ZNF721: variants seen among roughly 807,000 people sequenced by gnomAD.
ZNF721 encodes zinc finger protein 721.
Under a neutral mutation model 2.4 loss-of-function variants are expected in ZNF721, and 2 were observed. That is an observed-to-expected ratio of 0.82 (90% confidence interval 0.34 to 2.58). ZNF721 has a LOEUF of 2.58. Among genes scored for constraint, ZNF721 ranks in the 30% most tolerant of loss-of-function variants. The pLI is 0.11. For missense variants in ZNF721, 1,187 were observed against 1,085.5 expected, an observed-to-expected ratio of 1.09 and a Z score of -1.31; for synonymous variants, 398 against 381.8, an observed-to-expected ratio of 1.04 and a Z score of -0.50.
chr4:461,704 C>A (rs973397716), intron 2 of ZNF721, among the ~76,000 whole-genome samples: 1 of 152,136 alleles, frequency 6.6e-6, no homozygotes, highest in East Asian at 1.9e-4. Context: ...GAAACCCTGT[C>A]TCTACCAAAA....
At chr4:466,869 ACAAAAGC>A (rs1228401287) in intron 2 of ZNF721, among the ~76,000 whole-genome samples, 1 of 152,196 alleles carries the variant, frequency 6.6e-6, no homozygotes, top group African/African-American at 2.4e-5. Flanking sequence ...CATATTACTT[ACAAAAGC>A]CAAAAAGTGA....
intron 2 of ZNF721, among the ~76,000 whole-genome samples, chr4:465,516 C>T (rs1715218206): frequency 6.6e-6 from 1 of 151,572 alleles, no homozygotes; most frequent in African/African-American, 2.4e-5. Flanking sequence ...ACTGCAAGCT[C>T]CGCGCCCTGG....
At chr4:463,677 G>A (rs1341947579) in intron 2 of ZNF721, among the ~76,000 whole-genome samples, 2 of 152,116 alleles carry the variant, frequency 1.3e-5, no homozygotes, top group African/African-American at 4.8e-5. Flanking sequence ...AACATCGCAT[G>A]TTCTCACTCC....
At chr4:457,526 T>A (rs115764129) in intron 2 of ZNF721, among the ~76,000 whole-genome samples, 2,213 of 152,316 alleles carry the variant, frequency 0.015, 55 homozygotes, top group African/African-American at 0.049. Context: ...TGAAGACACC[T>A]AAACCAAGAC....
intron 2 of ZNF721, chr4:453,351 G>A (rs1448639203): frequency 1.3e-5 from 2 of 152,184 alleles, no homozygotes; most frequent in East Asian, 3.8e-4. Flanking sequence ...GGAATAAAGA[G>A]GTTTGGGGAA....
chr4:478,972 G>C (rs528003865), intron 1 of ZNF721, among the ~76,000 whole-genome samples: 2 of 152,124 alleles, frequency 1.3e-5, no homozygotes, highest in East Asian at 3.9e-4. Flanking sequence ...GGGTTTCACC[G>C]TGTTGGCCAG....
chr4:459,449 T>A (rs1361389048), intron 2 of ZNF721, among the ~76,000 whole-genome samples: 3 of 151,648 alleles, frequency 2.0e-5, no homozygotes, highest in Non-Finnish European at 4.4e-5. Context: ...GAGGGAGGAA[T>A]ATTTACCAAG....
Position 441,642 on chromosome 4 carries a change from T to C in ZNF721, c.*53A>G, listed in dbSNP as rs551020814. On this transcript the variant is annotated 3_prime_UTR_variant, in exon 3 of 3. Transcript: ENST00000511833. Reference sequence around the variant, plus strand: ...TCGTAAGACATTCCCCTGGTATGAGTTCTCTTATGTTTAAGAATGCTGTAG... The same window carrying C: ...TCGTAAGACATTCCCCTGGTATGAGCTCTCTTATGTTTAAGAATGCTGTAG... 2.8e-6 allele frequency: 4 copies of C among 1,439,250 alleles called. No homozygotes were observed. The highest frequency in any genetic ancestry group is 3.8e-6 in the Non-Finnish European group (4 of 1,066,288). 89.2% of individuals were successfully genotyped at this position (1,439,250 alleles called of 1,614,324 possible).
chr4:448,272 TA>T (rs1342651806), intron 2 of ZNF721, among the ~76,000 whole-genome samples: 49 of 152,072 alleles, frequency 3.2e-4, no homozygotes, highest in Admixed American at 5.9e-4. Context: ...CCGTCTCTAC[TA>T]AAAATACAAA....
chr4:478,358 T>C (rs1423852542), intron 1 of ZNF721, among the ~76,000 whole-genome samples: 1 of 152,202 alleles, frequency 6.6e-6, no homozygotes, highest in Non-Finnish European at 1.5e-5. Flanking sequence ...TTTTTGCATA[T>C]TTCTCTTTAC....
At chr4:492,285 A>G (rs567623783) in intron 1 of ZNF721, among the ~76,000 whole-genome samples, 1 of 152,344 alleles carries the variant, frequency 6.6e-6, no homozygotes, top group African/African-American at 2.4e-5. Flanking sequence ...CTGTCAGGCC[A>G]GTTACCAAAA....
chr4:466,406 G>C (rs974392166), intron 2 of ZNF721, among the ~76,000 whole-genome samples: 9 of 152,156 alleles, frequency 5.9e-5, no homozygotes, highest in African/African-American at 1.9e-4. Context: ...TTATGCTTGA[G>C]TTGTTATGTG....
At chr4:481,470 C>T (rs530803774) in intron 1 of ZNF721, among the ~76,000 whole-genome samples, 1 of 152,214 alleles carries the variant, frequency 6.6e-6, no homozygotes, top group South Asian at 2.1e-4. Context: ...ATTTGCATAG[C>T]TTCCTTTGGG....
chr4:440,729 G>C lies in ZNF721; in HGVS notation c.*966C>G, dbSNP rs1009385587. The C allele has an allele frequency of 6.6e-6, 1 of 152,200 alleles. No individual in the cohort carries two copies. Among genetic ancestry groups the C allele is most frequent in the Admixed American group, 6.5e-5 (1 of 15,278 alleles). The allele number at this position is 152,200 out of a possible 1,614,324, so 9.4% of individuals were successfully genotyped here. Reference sequence around the variant, plus strand: ...TACCCAGGCTGGAGTGCAATGGCACGATCTCAGCTCACCGCAACCTCCACC... The same window carrying C: ...TACCCAGGCTGGAGTGCAATGGCACCATCTCAGCTCACCGCAACCTCCACC... On this transcript the variant is annotated 3_prime_UTR_variant, in exon 3 of 3. Transcript: ENST00000511833.
At position 453,599 on chromosome 4, in the gene ZNF721, T is replaced by C. The variant is rs1714743426; in HGVS notation, c.35-9167A>G. 2.0e-5 allele frequency: 3 copies of C among 152,220 alleles called. No individual in the cohort carries two copies. The South Asian group carries it at 6.2e-4, about 31-fold the overall frequency. 9.4% of individuals were successfully genotyped at this position (152,220 alleles called of 1,614,324 possible). ...CCTATCTACTAATGGTCAGCACATG[T>C]GTCTTTGTATCTGAGGCCAAGGATA... is the stretch of plus-strand genomic sequence containing the variant. On this transcript the variant is annotated intron_variant, in intron 2 of 2. Coordinates refer to ENST00000511833, the MANE Select transcript of ZNF721 (RefSeq NM_133474.4).
chr4:440,689 G>C lies in ZNF721; in HGVS notation c.*1006C>G, dbSNP rs1197514146. 1.3e-5 allele frequency: 2 copies of C among 152,162 alleles called. No homozygotes were observed. The highest frequency in any genetic ancestry group is 2.9e-5 in the Non-Finnish European group (2 of 68,042). The allele number at this position is 152,162 out of a possible 1,614,324, so 9.4% of individuals were successfully genotyped here. A position where few individuals can be genotyped will look rare whatever the true frequency, so the allele number is the denominator to read the frequency against. On this transcript the variant is annotated 3_prime_UTR_variant, in exon 3 of 3. Coordinates refer to ENST00000511833, the MANE Select transcript of ZNF721 (RefSeq NM_133474.4). Reference sequence around the variant, plus strand: ...TTTCTTTTTATCTTGTTTTGAGACAGAGTTTCACTCTTGTTACCCAGGCTG... The same window carrying C: ...TTTCTTTTTATCTTGTTTTGAGACACAGTTTCACTCTTGTTACCCAGGCTG...
rs782142616 is a variant in ZNF721, at chr4:443,009, TGAG to T, written c.1455_1457del (p.Ser487del). 2.4e-4 allele frequency: 384 copies of T among 1,613,728 alleles called. No individual in the cohort carries two copies. Among genetic ancestry groups the T allele is most frequent in the Non-Finnish European group, 3.0e-4 (355 of 1,179,770 alleles). On this transcript the variant is annotated inframe_deletion, in exon 3 of 3. Coordinates refer to ENST00000511833, the MANE Select transcript of ZNF721 (RefSeq NM_133474.4). The stretch of plus-strand genomic sequence containing the variant: ...GAATCCTCTTATGTTTAGCAAAGCT[TGAG>T]GATGAGGTAATGACTTTGCCACATT...
At chr4:474,105 G>A (rs1715557377) in intron 1 of ZNF721, 1 of 1,248,496 alleles carries the variant, frequency 8.0e-7, no homozygotes, top group South Asian at 1.2e-5. Flanking sequence ...TGTGGAAGCA[G>A]GGAAGTGAGG....
chr4:472,569 C>A lies in ZNF721; in HGVS notation c.34+6G>T. The A allele has an allele frequency of 1.3e-6, 2 of 1,598,536 alleles. No homozygotes were observed. Among genetic ancestry groups the A allele is most frequent in the Non-Finnish European group, 1.7e-6 (2 of 1,176,222 alleles). On this transcript the variant is annotated splice_donor_region_variant and intron_variant, in intron 2 of 2. Coordinates refer to ENST00000511833, the MANE Select transcript of ZNF721 (RefSeq NM_133474.4). ...ATTAGGAATTATGCATTAAAGTTAT[C>A]CTCACCTAGGGAGACCAGGTTTCTG...
Sources: gnomAD v4.1 joint callset for allele counts (sites outside exome capture counted in the v4.1 genomes callset) on GRCh38, gnomAD v4.1.1 for gene constraint, MANE v1.5 for transcripts, NCBI Gene and HGNC (gene_info 2026-07-23, HGNC 2026-07-21) for gene names.